Variants in ASAP1 observed in about 807,000 individuals in gnomAD.
ASAP1 encodes the protein arf-GAP with SH3 domain, ANK repeat and PH domain-containing protein 1.
In ASAP1, 43 loss-of-function variants were observed where a neutral mutation model predicts 145.2. The observed-to-expected ratio is 0.30, with a 90% CI of 0.23 to 0.38. ASAP1 has a LOEUF of 0.38. Ranked by LOEUF, ASAP1 falls within the 10% of genes least tolerant of loss-of-function variation. The pLI, the probability that ASAP1 is intolerant of heterozygous loss-of-function variation, is 1.00. For missense variants in ASAP1, 1,018 were observed against 1,355.3 expected (o/e 0.75, Z 3.91); for synonymous variants, 546 against 515.5 (o/e 1.06, Z -0.80).
At chr8:130,115,576 C>G (rs2135619603) in intron 23 of ASAP1, 52 bp downstream of exon 23, 1 of 1,387,206 alleles carries the variant, frequency 7.2e-7, no homozygotes, top group Non-Finnish European at 1.0e-6. Flanking sequence ...TCTACACAGA[C>G]TAGAAAAGTT....
At chr8:130,148,478 A>G (rs2097638281) in intron 13 of ASAP1, among the ~76,000 whole-genome samples, 1 of 152,214 alleles carries the variant, frequency 6.6e-6, no homozygotes, top group African/African-American at 2.4e-5. Flanking sequence ...AGAAATGAAG[A>G]TAGTGATGCC....
intron 3 of ASAP1, among the ~76,000 whole-genome samples, chr8:130,273,730 G>C (rs1423051826): frequency 6.6e-6 from 1 of 152,206 alleles, no homozygotes; most frequent in Non-Finnish European, 1.5e-5. Context: ...GGAGAACAAA[G>C]TAGTAGTTTC....
At chr8:130,398,319 C>CA (rs1828626514) in intron 2 of ASAP1, among the ~76,000 whole-genome samples, 1 of 152,198 alleles carries the variant, frequency 6.6e-6, no homozygotes, top group South Asian at 2.1e-4. Context: ...TGGCATCTGA[C>CA]AAGTTACTAT....
At chr8:130,146,470 G>C (rs1440633884) in intron 13 of ASAP1, among the ~76,000 whole-genome samples, 1 of 152,106 alleles carries the variant, frequency 6.6e-6, no homozygotes, top group African/African-American at 2.4e-5. Flanking sequence ...ACAACTGACA[G>C]TGCTGCTTTC....
intron 2 of ASAP1, among the ~76,000 whole-genome samples, chr8:130,389,879 G>A (rs570777115): frequency 1.3e-4 from 20 of 151,658 alleles, no homozygotes; most frequent in African/African-American, 3.6e-4. Flanking sequence ...TTTTTTTTTC[G>A]TAGAGACAGG....
intron 25 of ASAP1, among the ~76,000 whole-genome samples, chr8:130,089,749 T>A (rs938217680): frequency 2.6e-5 from 4 of 152,172 alleles, no homozygotes; most frequent in African/African-American, 7.2e-5. Flanking sequence ...CACCCACACA[T>A]ACATGCCCAT....
chr8:130,402,028 G>A (rs1229385218), intron 1 of ASAP1, 58 bp from the exon 2 acceptor site: 4 of 1,191,202 alleles, frequency 3.4e-6, no homozygotes, highest in Admixed American at 3.7e-5. Context: ...CTGGGCAGAA[G>A]ACATTGTCTC....
intron 9 of ASAP1, among the ~76,000 whole-genome samples, chr8:130,169,296 C>T (rs1813416633): frequency 6.6e-6 from 1 of 152,190 alleles, no homozygotes; most frequent in African/African-American, 2.4e-5. Context: ...TGTCAGTTGA[C>T]ATTTGATAGA....
intron 1 of ASAP1, among the ~76,000 whole-genome samples, chr8:130,409,470 T>C (rs2138629899): frequency 6.6e-6 from 1 of 152,280 alleles, no homozygotes; most frequent in South Asian, 2.1e-4. Context: ...TTTGGACTCC[T>C]GCTATTTTTC....
chr8:130,220,949 C>T (rs1339333732), intron 4 of ASAP1, among the ~76,000 whole-genome samples: 1 of 152,120 alleles, frequency 6.6e-6, no homozygotes, highest in Non-Finnish European at 1.5e-5. Context: ...GGGAACCACC[C>T]CCATGATTCA....
At chr8:130,134,229 G>A in intron 15 of ASAP1, 67 bp downstream of exon 15, 2 of 1,217,004 alleles carry the variant, frequency 1.6e-6, no homozygotes, top group East Asian at 5.1e-5. Flanking sequence ...AAATGTTGAT[G>A]TGTATTGTAA....
intron 3 of ASAP1, among the ~76,000 whole-genome samples, chr8:130,249,001 G>A (rs879752741): frequency 1.3e-5 from 2 of 152,036 alleles, no homozygotes; most frequent in Admixed American, 1.3e-4. Flanking sequence ...TGGGCTCAAG[G>A]GATCCTCCTG....
intron 3 of ASAP1, among the ~76,000 whole-genome samples, chr8:130,306,325 G>C (rs1294210957): frequency 6.6e-6 from 1 of 152,170 alleles, no homozygotes; most frequent in Non-Finnish European, 1.5e-5. Context: ...CTTCTATTTA[G>C]CAAGTCACTG....
chr8:130,199,026 ACTCTTC>A (rs1815693658), intron 5 of ASAP1, among the ~76,000 whole-genome samples: 1 of 151,784 alleles, frequency 6.6e-6, no homozygotes, highest in African/African-American at 2.4e-5. Context: ...TGTCTGGAAC[ACTCTTC>A]CTCTGTCTCC....
chr8:130,285,722 T>A (rs1431275537), intron 3 of ASAP1, among the ~76,000 whole-genome samples: 1 of 152,230 alleles, frequency 6.6e-6, no homozygotes, highest in Non-Finnish European at 1.5e-5. Context: ...GTTACCAGTT[T>A]TTGTCTTCTA....
intron 3 of ASAP1, among the ~76,000 whole-genome samples, chr8:130,349,137 G>A (rs182830306): frequency 1.3e-5 from 2 of 152,336 alleles, no homozygotes; most frequent in African/African-American, 4.8e-5. Flanking sequence ...AGCCCACTAA[G>A]GGCTGATTAT....
chr8:130,260,305 G>C (rs1262576907), intron 3 of ASAP1, among the ~76,000 whole-genome samples: 12 of 152,026 alleles, frequency 7.9e-5, no homozygotes, highest in Admixed American at 6.6e-4. Context: ...TGGGCTACTA[G>C]ACCATAAATG....
At chr8:130,072,824 T>TGTGTGTGTGTGTGCGCGCGCGC in intron 27 of ASAP1, among the ~76,000 whole-genome samples, 9 of 32,280 alleles carry the variant, frequency 2.8e-4, no homozygotes, top group African/African-American at 6.1e-4. Context: ...TGTGTGTGTG[T>TGTGTGTGTGTGTGCGCGCGCGC]GCGCGCGGGG....
intron 27 of ASAP1, among the ~76,000 whole-genome samples, chr8:130,071,258 C>T (rs2097445925): frequency 6.6e-6 from 1 of 152,070 alleles, no homozygotes; most frequent in Admixed American, 6.5e-5. Flanking sequence ...AGGTATGAGC[C>T]ACTGCGCCCA....
Sources: allele counts gnomAD v4.1 joint callset (sites outside exome capture counted in the v4.1 genomes callset), GRCh38; gene constraint gnomAD v4.1.1; transcripts MANE v1.5; gene names NCBI Gene and HGNC (gene_info 2026-07-23, HGNC 2026-07-21).